ROBO2: variants seen among roughly 807,000 people sequenced by gnomAD.
The protein encoded by ROBO2 is roundabout guidance receptor 2, also known as roundabout homolog 2.
In ROBO2, 53 loss-of-function variants were observed where a neutral mutation model predicts 160.8. That is an observed-to-expected ratio of 0.33 (90% CI 0.26 to 0.41). The LOEUF is 0.41. Ranked by LOEUF, ROBO2 falls within the 10% of genes least tolerant of loss-of-function variation. The probability of loss-of-function intolerance (pLI) is 1.00; values close to 1 mark genes in which losing one functional copy is unlikely to be tolerated. For missense variants in ROBO2, 1,577 were observed against 1,722.4 expected (o/e 0.92, Z 1.49); for synonymous variants, 664 against 611.7 (o/e 1.09, Z -1.26).
chr3:77,329,287 G>T (rs1264896871), intron 2 of ROBO2, among the ~76,000 whole-genome samples: 3 of 152,300 alleles, frequency 2.0e-5, no homozygotes, highest in Non-Finnish European at 2.9e-5. Context: ...GATACGTGTG[G>T]CTACAGTTCT....
intron 2 of ROBO2, among the ~76,000 whole-genome samples, chr3:76,017,297 C>T (rs183942833): frequency 9.4e-4 from 143 of 152,176 alleles, no homozygotes; most frequent in Non-Finnish European, 1.8e-3. Context: ...CGGAGCCTAC[C>T]GACTTTGTGA....
At chr3:76,603,220 T>C (rs1216590702) in intron 2 of ROBO2, among the ~76,000 whole-genome samples, 1 of 150,024 alleles carries the variant, frequency 6.7e-6, no homozygotes, top group Non-Finnish European at 1.5e-5. Context: ...TAGTCCCAGC[T>C]ACTCAGGAGG....
At chr3:76,464,052 G>A (rs953204746) in intron 2 of ROBO2, among the ~76,000 whole-genome samples, 4 of 152,178 alleles carry the variant, frequency 2.6e-5, no homozygotes, top group African/African-American at 7.2e-5. Context: ...GGCATTGACA[G>A]AAGTGGGAAG....
intron 2 of ROBO2, among the ~76,000 whole-genome samples, chr3:76,129,644 A>T (rs1214646132): frequency 6.6e-6 from 1 of 152,126 alleles, no homozygotes; most frequent in South Asian, 2.1e-4. Flanking sequence ...AAGTTATGTA[A>T]ATGAAAGGGT....
At chr3:77,102,238 G>C (rs1262167984) in intron 2 of ROBO2, among the ~76,000 whole-genome samples, 1 of 152,046 alleles carries the variant, frequency 6.6e-6, no homozygotes, top group Non-Finnish European at 1.5e-5. Context: ...ATTAGAGCAG[G>C]GTACCTCAAC....
chr3:76,051,848 T>C (rs937561735), intron 2 of ROBO2, among the ~76,000 whole-genome samples: 1 of 152,054 alleles, frequency 6.6e-6, no homozygotes. Context: ...TGTATTCCTA[T>C]AAATTTAGTT....
chr3:76,786,421 G>A (rs547646912), intron 2 of ROBO2, among the ~76,000 whole-genome samples: 55 of 151,472 alleles, frequency 3.6e-4, no homozygotes, highest in African/African-American at 1.3e-3. Flanking sequence ...AACTTACAGT[G>A]ATGGCAGAAG....
At position 77,644,810 on chromosome 3, in the gene ROBO2, G is replaced by A. The variant is rs756032310; in HGVS notation, c.4041G>A (p.Glu1347=). ...GATCCACTGGACCTAGGAAAACCGAGGTGTTGAGAGCAGGCCACCAGCGCA... is the reference window on the plus strand; with the variant it reads ...GATCCACTGGACCTAGGAAAACCGAAGTGTTGAGAGCAGGCCACCAGCGCA... Residue 1347 remains glutamate, a synonymous_variant, in exon 25 of 26, where the codon GAG becomes GAA. Coordinates refer to ENST00000461745, the Ensembl canonical transcript of ROBO2. 1.5e-5 allele frequency: 24 copies of A among 1,613,968 alleles called. No individual in the cohort carries two copies. The South Asian group carries it at 2.5e-4, about 17-fold the overall frequency.
intron 2 of ROBO2, among the ~76,000 whole-genome samples, chr3:76,036,243 G>T (rs974596481): frequency 6.6e-6 from 1 of 151,464 alleles, no homozygotes; most frequent in South Asian, 2.1e-4. Flanking sequence ...GCCGCCTCCC[G>T]GGTTCAAGTG....
intron 1 of ROBO2, among the ~76,000 whole-genome samples, chr3:75,912,970 A>G (rs1946662919): frequency 6.6e-6 from 1 of 152,174 alleles, no homozygotes; most frequent in African/African-American, 2.4e-5. Context: ...AATAACTTAA[A>G]ATAACACATA....
chr3:77,449,295 T>C (rs1033342632), intron 2 of ROBO2, among the ~76,000 whole-genome samples: 4 of 152,190 alleles, frequency 2.6e-5, no homozygotes, highest in Middle Eastern at 3.4e-3. Context: ...AAGATAGTAA[T>C]GAGAAGAATG....
intron 2 of ROBO2, among the ~76,000 whole-genome samples, chr3:76,045,028 A>G (rs2067405440): frequency 6.6e-6 from 1 of 152,092 alleles, no homozygotes; most frequent in Non-Finnish European, 1.5e-5. Context: ...ATTTTATTAC[A>G]AACCACACAT....
At chr3:77,482,763 C>T (rs142589731) in intron 4 of ROBO2, among the ~76,000 whole-genome samples, 2 of 151,988 alleles carry the variant, frequency 1.3e-5, no homozygotes, top group East Asian at 3.9e-4. Context: ...TATTAGTGGT[C>T]ACTGAACGTT....
At chr3:77,627,274 TTTTCTTTC>T (rs904385249) in intron 23 of ROBO2, among the ~76,000 whole-genome samples, 4 of 152,038 alleles carry the variant, frequency 2.6e-5, no homozygotes, top group Non-Finnish European at 5.9e-5. Context: ...TACACATTCC[TTTTCTTTC>T]TTTCTTTTTT....
At chr3:76,346,122 T>C (rs2074513933) in intron 2 of ROBO2, among the ~76,000 whole-genome samples, 1 of 152,140 alleles carries the variant, frequency 6.6e-6, no homozygotes, top group Non-Finnish European at 1.5e-5. Flanking sequence ...AGCTTCCCTC[T>C]TGGGACCACT....
intron 2 of ROBO2, among the ~76,000 whole-genome samples, chr3:76,408,171 G>T (rs2075307956): frequency 6.6e-6 from 1 of 152,058 alleles, no homozygotes; most frequent in South Asian, 2.1e-4. Flanking sequence ...GTTTGCTTGA[G>T]AATAGATTCA....
At chr3:77,456,558 T>C (rs1167823670) in intron 2 of ROBO2, among the ~76,000 whole-genome samples, 3 of 152,114 alleles carry the variant, frequency 2.0e-5, no homozygotes. Context: ...CAGTGGCGAA[T>C]CCAAAAAGAA....
chr3:76,503,245 C>T (rs1041057672), intron 2 of ROBO2, among the ~76,000 whole-genome samples: 1 of 152,042 alleles, frequency 6.6e-6, no homozygotes, highest in Non-Finnish European at 1.5e-5. Flanking sequence ...TGTTTTTCTG[C>T]CTGCTTTATA....
At chr3:77,082,378 T>G (rs1031247315) in intron 1 of ROBO2, among the ~76,000 whole-genome samples, 6 of 152,148 alleles carry the variant, frequency 3.9e-5, no homozygotes, top group African/African-American at 2.4e-5. Context: ...ATCAAGGTAG[T>G]GCTCACTGAG....
Sources: gnomAD v4.1 joint callset for allele counts (sites outside exome capture counted in the v4.1 genomes callset) on GRCh38, gnomAD v4.1.1 for gene constraint, MANE v1.5 for transcripts, NCBI Gene and HGNC (gene_info 2026-07-23, HGNC 2026-07-21) for gene names.